The following NEIL3 variants were observed in gnomAD, a reference collection of about 807,000 sequenced individuals.
NEIL3 encodes nei like DNA glycosylase 3.
Under a neutral mutation model 57.5 loss-of-function variants are expected in NEIL3, and 48 were observed. The ratio of observed to expected loss-of-function variants is 0.83; its 90% CI spans 0.66 to 1.06. The LOEUF is 1.06. Ranked by LOEUF, NEIL3 falls within the 50% of genes least tolerant of loss-of-function variation. The pLI is 0.00. For synonymous variants in NEIL3, 261 were observed against 253.2 expected (o/e 1.03, Z -0.29); for missense variants, 717 against 739.1 (o/e 0.97, Z 0.35).
chr4:177,354,780 C>T (rs1459030632), intron 8 of NEIL3, among the ~76,000 whole-genome samples: 2 of 152,142 alleles, frequency 1.3e-5, no homozygotes, highest in African/African-American at 2.4e-5. Flanking sequence ...CTACGCCTGG[C>T]GTTGTTCTTT....
chr4:177,326,685 C>T (rs1734785201), intron 2 of NEIL3, among the ~76,000 whole-genome samples: 1 of 152,030 alleles, frequency 6.6e-6, no homozygotes, highest in Non-Finnish European at 1.5e-5. Flanking sequence ...ACTCCATGAA[C>T]ACAGTATATA....
intron 2 of NEIL3, among the ~76,000 whole-genome samples, chr4:177,332,969 G>A (rs1316699643): frequency 6.6e-6 from 1 of 152,040 alleles, no homozygotes; most frequent in African/African-American, 2.4e-5. Context: ...CTCCTTGTTG[G>A]AGCGGTAGCT....
intron 2 of NEIL3, 30 bp downstream of exon 2, chr4:177,322,610 C>T (rs969790976): frequency 6.2e-7 from 1 of 1,613,094 alleles, no homozygotes; most frequent in African/African-American, 1.3e-5. Flanking sequence ...TACATCTTAT[C>T]TCTCTATATT....
chr4:177,349,661 A>G (rs1208736370), intron 6 of NEIL3, among the ~76,000 whole-genome samples: 1 of 152,184 alleles, frequency 6.6e-6, no homozygotes, highest in Non-Finnish European at 1.5e-5. Flanking sequence ...GGAGGCCATT[A>G]TTCATCCTAC....
chr4:177,358,427 C>G (rs574537574), intron 8 of NEIL3, among the ~76,000 whole-genome samples: 2 of 152,254 alleles, frequency 1.3e-5, no homozygotes, highest in Admixed American at 1.3e-4. Context: ...TCTGACTCAG[C>G]CTCCCGAGTA....
intron 9 of NEIL3, among the ~76,000 whole-genome samples, chr4:177,361,243 T>C (rs1347407528): frequency 6.6e-6 from 1 of 152,176 alleles, no homozygotes; most frequent in African/African-American, 2.4e-5. Context: ...AGATAGGAGA[T>C]AAGAACCTCA....
chr4:177,343,709 TC>T (rs1252248684), intron 6 of NEIL3: 1 of 152,056 alleles, frequency 6.6e-6, no homozygotes, highest in Non-Finnish European at 1.5e-5. Context: ...CGTGTTACTA[TC>T]ATAGACATCT....
chr4:177,338,881 A>G (rs548268645), intron 4 of NEIL3, among the ~76,000 whole-genome samples: 2 of 152,098 alleles, frequency 1.3e-5, no homozygotes, highest in South Asian at 2.1e-4. Flanking sequence ...GTCCAGCAAG[A>G]CTTCTCAAGG....
chr4:177,348,003 A>T (rs184458152), intron 6 of NEIL3, among the ~76,000 whole-genome samples: 9 of 152,312 alleles, frequency 5.9e-5, no homozygotes, highest in African/African-American at 2.2e-4. Flanking sequence ...CGGCTAGATG[A>T]GAAAACTTTT....
At chr4:177,359,055 A>G (rs1735546977) in intron 8 of NEIL3, among the ~76,000 whole-genome samples, 1 of 152,128 alleles carries the variant, frequency 6.6e-6, no homozygotes, top group Non-Finnish European at 1.5e-5. Flanking sequence ...AAAGTTTTGG[A>G]GGAGATTGGT....
intron 1 of NEIL3, among the ~76,000 whole-genome samples, chr4:177,320,468 T>TGCGG (rs551619306): frequency 3.2e-5 from 1 of 31,072 alleles, no homozygotes; most frequent in Non-Finnish European, 6.4e-5. Flanking sequence ...ACTGCTGTCT[T>TGCGG]TTTTTTTTTT....
Position 177,344,269 on chromosome 4 carries a change from C to T in NEIL3, c.869+2627C>T, listed in dbSNP as rs1735165001. Among the ~76,000 whole-genome samples the T allele has an allele frequency of 2.0e-5, 3 of 152,266 alleles. No homozygotes were observed. In the South Asian group the frequency reaches 6.2e-4, roughly 32 times the overall value. On this transcript the variant is annotated intron_variant, in intron 6 of 9. Coordinates refer to ENST00000264596, the MANE Select transcript of NEIL3 (RefSeq NM_018248.3). ...TTACATATTTTAAAAAGCTTGAAAA[C>T]CAAGATGATTTGCCCTGTTCTTAGA...
chr4:177,353,027 C>T (rs1031475298), intron 7 of NEIL3, among the ~76,000 whole-genome samples: 3 of 152,034 alleles, frequency 2.0e-5, no homozygotes, highest in African/African-American at 7.3e-5. Context: ...AACTGAGTGA[C>T]CTTTAAATGC....
At chr4:177,366,029 C>G (rs557276581), downstream of NEIL3, among the ~76,000 whole-genome samples, 9 of 152,236 alleles carry the variant, frequency 5.9e-5, no homozygotes, top group Admixed American at 5.2e-4. Context: ...GATTTTAAAG[C>G]AGCTATTATA....
At chr4:177,352,019 A>G (rs1477472618) in intron 7 of NEIL3, among the ~76,000 whole-genome samples, 5 of 152,202 alleles carry the variant, frequency 3.3e-5, no homozygotes, top group Non-Finnish European at 7.3e-5. Context: ...TATCCAGACA[A>G]TTGTACTGAT....
chr4:177,326,861 C>A (rs1734789471), intron 2 of NEIL3, among the ~76,000 whole-genome samples: 1 of 151,992 alleles, frequency 6.6e-6, no homozygotes, highest in South Asian at 2.1e-4. Flanking sequence ...TATGGAAATA[C>A]AATTTTTGTG....
intron 1 of NEIL3, among the ~76,000 whole-genome samples, chr4:177,311,656 A>G (rs937756906): frequency 6.7e-6 from 1 of 149,206 alleles, no homozygotes; most frequent in African/African-American, 2.5e-5. Flanking sequence ...CCTGGGCAAC[A>G]AGAGCGAAAC....
chr4:177,336,466 C>G (rs1036823829), intron 4 of NEIL3, 145 bp downstream of exon 4: 12 of 662,530 alleles, frequency 1.8e-5, no homozygotes, highest in Non-Finnish European at 3.1e-5. Context: ...AGGTCAATTT[C>G]TCAGTGCAGC....
At chr4:177,326,422 GTGTC>G (rs1317850760) in intron 2 of NEIL3, among the ~76,000 whole-genome samples, 3 of 151,964 alleles carry the variant, frequency 2.0e-5, no homozygotes, top group African/African-American at 7.2e-5. Flanking sequence ...ATCATTTTTT[GTGTC>G]TGTCCTTTCA....
Sources: gnomAD v4.1 joint callset for allele counts (sites outside exome capture counted in the v4.1 genomes callset) on GRCh38, gnomAD v4.1.1 for gene constraint, MANE v1.5 for transcripts, NCBI Gene and HGNC (gene_info 2026-07-23, HGNC 2026-07-21) for gene names.